YIPF3: variants seen among roughly 807,000 people sequenced by gnomAD.
YIPF3 encodes the protein protein YIPF3.
In YIPF3, 18 loss-of-function variants were observed where a neutral mutation model predicts 40.3. The observed-to-expected ratio is 0.45, with a 90% CI of 0.31 to 0.66. YIPF3 has a LOEUF of 0.66. Among genes scored for constraint, YIPF3 ranks in the 30% least tolerant of loss-of-function variants. The probability of loss-of-function intolerance (pLI) is 0.07; values close to 1 mark genes in which losing one functional copy is unlikely to be tolerated. For synonymous variants in YIPF3, 190 were observed against 179.6 expected (o/e 1.06, Z -0.46); for missense variants, 406 against 452.2 (o/e 0.90, Z 0.93).
At chr6:43,516,146 A>G (rs1792821111) in intron 1 of YIPF3, 51 bp from the exon 2 acceptor site, 1 of 1,607,634 alleles carries the variant, frequency 6.2e-7, no homozygotes, top group Non-Finnish European at 8.5e-7. Flanking sequence ...TCCATCCATT[A>G]AGTCCTCTGC....
At chr6:43,512,416 C>G in intron 8 of YIPF3, 24 bp downstream of exon 8, 2 of 1,614,210 alleles carry the variant, frequency 1.2e-6, no homozygotes, top group Non-Finnish European at 1.7e-6. Flanking sequence ...CATTCTCCCC[C>G]ACCCAGACCT....
chr6:43,515,260 G>T (rs1792766846), intron 3 of YIPF3: 1 of 470,372 alleles, frequency 2.1e-6, no homozygotes, highest in South Asian at 1.5e-5. Context: ...CCAAAGTGCT[G>T]GGATTCCAGG....
chr6:43,516,471 ACCT>A, intron 1 of YIPF3: 2 of 615,162 alleles, frequency 3.3e-6, no homozygotes, highest in Non-Finnish European at 5.6e-6. Context: ...ACCCCGACCA[ACCT>A]CCTAACTTGT....
In YIPF3 at chr6:43,512,485, G is replaced by C. The variant is rs1310385235; in HGVS notation, c.859C>G (p.Leu287Val). The change falls in exon 8 of 9, where the codon CTC becomes GTC. Residue 287 changes from leucine to valine, a missense_variant. Physicochemically the swap from Leu to Val is conservative, Grantham distance 32. Coordinates refer to ENST00000372422, the MANE Select transcript of YIPF3 (RefSeq NM_015388.4). ...GCAAAATGCAGATAGAGCAGGAAGA[G>C]CATGTGTAGGGCAGCCAGGGTGCCA... Reference protein sequence around the residue: ...LCGTLAALHMLFLLYLHFAYH... With the variant: ...LCGTLAALHMVFLLYLHFAYH... 1.9e-6 allele frequency: 3 copies of C among 1,613,906 alleles called. No homozygotes were observed. The highest frequency in any genetic ancestry group is 2.7e-5 in the African/African-American group (2 of 74,932).
rs1275728126 is a variant in YIPF3 at position 43,515,959 on chromosome 6, T to C, written c.218A>G (p.Glu73Gly). The C allele has an allele frequency of 6.2e-6, 10 of 1,613,982 alleles. No individual in the cohort carries two copies. The South Asian group carries it at 1.1e-4, about 18-fold the overall frequency. ...DADAADAAAA[E>G]EEDGEFLGMK... ...GCCCAGGAACTCTCCATCCTCCTCT[T>C]CAGCAGCAGCTGCATCAGCTGCATC... Residue 73 changes from glutamate (E) to glycine (G), a missense_variant, in exon 2 of 9, where the codon GAA (glutamate) becomes GGA (glycine). Glu to Gly is a moderately conservative substitution (Grantham distance 98). Coordinates refer to ENST00000372422, the MANE Select transcript of YIPF3 (RefSeq NM_015388.4).
chr6:43,514,113 C>A (rs141513620), intron 3 of YIPF3, among the ~76,000 whole-genome samples: 1,907 of 152,234 alleles, frequency 0.013, 42 homozygotes, highest in African/African-American at 0.044. Context: ...TGGTGGCGGG[C>A]GCCTGTAGTC....
In YIPF3 at chr6:43,513,106, T is replaced by C; in HGVS notation, c.629A>G (p.Asn210Ser). 6.2e-7 allele frequency: 1 copy of C among 1,614,148 alleles called. No individual in the cohort carries two copies. Among genetic ancestry groups the C allele is most frequent in the South Asian group, 1.1e-5 (1 of 91,078 alleles). ...CATCTGCAGCATGGTGATCTGGGCG[T>C]TGCACAGGTAGGCAAGGAAGTAAAT... is the stretch of plus-strand genomic sequence containing the variant. ...SFIYFLAYLC[N>S]AQITMLQMLA... Residue 210 changes from asparagine (N) to serine (S), a missense_variant, in exon 6 of 9, where the codon AAC becomes AGC. Physicochemically the swap from Asn to Ser is conservative, Grantham distance 46. Transcript: ENST00000372422.
At chr6:43,516,346 C>T in intron 1 of YIPF3, 1 of 866,984 alleles carries the variant, frequency 1.2e-6, no homozygotes, top group Non-Finnish European at 1.7e-6. Flanking sequence ...CTATCAAAGA[C>T]TAAAAGGCTG....
chr6:43,514,110 G>A lies in YIPF3; in HGVS notation c.396-477C>T, dbSNP rs1322376534. Among the ~76,000 whole-genome samples the A allele has an allele frequency of 5.3e-5, 8 of 152,286 alleles. No individual in the cohort carries two copies. The East Asian group carries it at 9.7e-4, about 18-fold the overall frequency. On this transcript the variant is annotated intron_variant, in intron 3 of 8. Transcript: ENST00000372422. ...CAAAAAATTAGCTGGGCATGGTGGC[G>A]GGCGCCTGTAGTCCCAGCTACTCAG...
chr6:43,512,881 AG>A lies in YIPF3; in HGVS notation c.667-8del, dbSNP rs759517046. On this transcript the variant is annotated splice_polypyrimidine_tract_variant and splice_region_variant and intron_variant, in intron 6 of 8. Transcript: ENST00000372422. ...GCCCAAAGAGGCCATAGCCCTGGGAAGGAGGATGGTGGAGAGGAAAATCATT... is the reference window on the plus strand; with the variant it reads ...GCCCAAAGAGGCCATAGCCCTGGGAAGAGGATGGTGGAGAGGAAAATCATT... 10 of 1,612,486 alleles carry A rather than the reference AG, an allele frequency of 6.2e-6. No homozygotes were observed. The highest frequency in any genetic ancestry group is 8.5e-6 in the Non-Finnish European group (10 of 1,179,168).
intron 3 of YIPF3, 48 bp downstream of exon 3, chr6:43,515,547 A>G: frequency 6.3e-7 from 1 of 1,595,732 alleles, no homozygotes; most frequent in Non-Finnish European, 8.6e-7. Flanking sequence ...AGTGTGCATG[A>G]AGGTCTAGGT....
intron 1 of YIPF3, chr6:43,516,520 C>T: frequency 1.6e-6 from 1 of 635,652 alleles, no homozygotes; most frequent in Non-Finnish European, 2.6e-6. Flanking sequence ...CTCGGGCGGG[C>T]CCTGAAACCC....
At chr6:43,514,627 T>A (rs1461537835) in intron 3 of YIPF3, among the ~76,000 whole-genome samples, 1 of 152,198 alleles carries the variant, frequency 6.6e-6, no homozygotes, top group Non-Finnish European at 1.5e-5. Context: ...GAATGAGTAC[T>A]GTACTGTAAC....
chr6:43,516,774 G>A lies in YIPF3; in HGVS notation c.34C>T (p.Arg12Ter). ...ATTAAPAGGA[R>*]NGAGPEWGGF... ...CCCCATTCCGGGCCAGCTCCATTTC[G>A]GGCGCCGCCCGCCGGCGCCGCTGTA... Residue 12 changes from arginine (R) to a stop codon, truncating the protein, a stop_gained, in exon 1 of 9, where the codon CGA becomes TGA. Transcript: ENST00000372422. LOFTEE classifies it high-confidence loss of function. 1 of 1,576,158 alleles carries A rather than the reference G, an allele frequency of 6.3e-7. No homozygotes were observed.
intron 1 of YIPF3, chr6:43,516,474 T>A (rs1792836505): frequency 4.8e-6 from 3 of 620,914 alleles, no homozygotes; most frequent in Admixed American, 6.3e-5. Context: ...CCGACCAACC[T>A]CCTAACTTGT....
intron 1 of YIPF3, chr6:43,516,372 C>T (rs1792831189): frequency 2.8e-6 from 2 of 716,922 alleles, no homozygotes; most frequent in African/African-American, 1.8e-5. Context: ...GTGCCCATTT[C>T]CTTCTTTCCT....
rs780669861 is a variant in YIPF3, at chr6:43,513,056, C to T, written c.666+13G>A. 1 of 1,613,814 alleles carries T rather than the reference C, an allele frequency of 6.2e-7. No homozygotes were observed. The highest frequency in any genetic ancestry group is 1.1e-5 in the South Asian group (1 of 91,078). ...TTTAACATCACTCTTGCCCACCACACCTGGCTCCTTACCAGCAGTGCCAAC... is the reference window on the plus strand; with the variant it reads ...TTTAACATCACTCTTGCCCACCACATCTGGCTCCTTACCAGCAGTGCCAAC... On this transcript the variant is annotated intron_variant, in intron 6 of 8. Transcript: ENST00000372422.
In YIPF3 at chr6:43,516,773, C is replaced by A; in HGVS notation, c.35G>T (p.Arg12Leu). 6.4e-7 allele frequency: 1 copy of A among 1,574,696 alleles called. No homozygotes were observed. The highest frequency in any genetic ancestry group is 1.2e-5 in the South Asian group (1 of 86,568). Residue 12 changes from arginine (R) to leucine (L), a missense_variant, in exon 1 of 9, where the codon CGA becomes CTA. Arg to Leu is a moderately radical substitution (Grantham distance 102). Coordinates refer to ENST00000372422, the MANE Select transcript of YIPF3 (RefSeq NM_015388.4). ...ATTAAPAGGA[R>L]NGAGPEWGGF... ...TCCCCATTCCGGGCCAGCTCCATTT[C>A]GGGCGCCGCCCGCCGGCGCCGCTGT...
Position 43,516,758 on chromosome 6 carries a change from G to C in YIPF3, c.50C>G (p.Pro17Arg). ...GTTTTCTTCGAACCCTCCCCATTCC[G>C]GGCCAGCTCCATTTCGGGCGCCGCC... ...PAGGARNGAG[P>R]EWGGFEENIQ... is the part of the protein sequence containing the mutation. The change falls in exon 1 of 9, where the codon CCG (proline) becomes CGG (arginine). Residue 17 changes from proline (P) to arginine (R), a missense_variant. Coordinates refer to ENST00000372422, the MANE Select transcript of YIPF3 (RefSeq NM_015388.4). The C allele has an allele frequency of 6.2e-7, 1 of 1,602,668 alleles. No homozygotes were observed. Among genetic ancestry groups the C allele is most frequent in the South Asian group, 1.1e-5 (1 of 89,334 alleles).
Sources: gnomAD v4.1 joint callset for allele counts (sites outside exome capture counted in the v4.1 genomes callset) on GRCh38, gnomAD v4.1.1 for gene constraint, MANE v1.5 for transcripts, NCBI Gene and HGNC (gene_info 2026-07-23, HGNC 2026-07-21) for gene names.